Variants in SERPINI1 observed in about 807,000 individuals in gnomAD.
The protein encoded by SERPINI1 is serpin family I member 1.
SERPINI1 carries 19 observed loss-of-function variants against 41.1 expected under a neutral mutation model. That is an observed-to-expected ratio of 0.46 (90% CI 0.32 to 0.68). The LOEUF is 0.68. SERPINI1 is among the 30% of genes least tolerant of loss of function. SERPINI1 has a pLI of 0.03. For missense variants in SERPINI1, 460 were observed against 479.2 expected, an observed-to-expected ratio of 0.96 and a Z score of 0.37; for synonymous variants, 138 against 156.6, an observed-to-expected ratio of 0.88 and a Z score of 0.89.
chr3:167,758,533 TG>T (rs1388963007), intron 1 of SERPINI1, among the ~76,000 whole-genome samples: 1 of 152,176 alleles, frequency 6.6e-6, no homozygotes, highest in Non-Finnish European at 1.5e-5. Context: ...CATTAATCAT[TG>T]TTGCAGATAA....
chr3:167,809,769 A>G (rs1577431079), intron 6 of SERPINI1, among the ~76,000 whole-genome samples: 1 of 152,286 alleles, frequency 6.6e-6, no homozygotes, highest in East Asian at 1.9e-4. Flanking sequence ...ATGTTCACTG[A>G]AGGGTAAAAA....
Position 167,790,526 on chromosome 3 carries a change from A to G in SERPINI1, c.405A>G (p.Ala135=). 2 of 1,614,040 alleles carry G rather than the reference A, an allele frequency of 1.2e-6. No homozygotes were observed. Among genetic ancestry groups the G allele is most frequent in the Non-Finnish European group, 1.7e-6 (2 of 1,179,926 alleles). ...LQMMKKYFNA[A]VNHVDFSQNV... ...TGATGAAAAAATATTTTAATGCAGCAGTAAATCATGTGGACTTCAGTCAAA... is the reference window on the plus strand; with the variant it reads ...TGATGAAAAAATATTTTAATGCAGCGGTAAATCATGTGGACTTCAGTCAAA... Residue 135 remains alanine (A), a synonymous_variant, in exon 3 of 9, where the codon GCA becomes GCG. Transcript: ENST00000446050.
At chr3:167,747,569 G>A (rs113673197) in intron 1 of SERPINI1, among the ~76,000 whole-genome samples, 76 of 152,222 alleles carry the variant, frequency 5.0e-4, no homozygotes, top group Admixed American at 1.8e-3. Context: ...GCGTGAACCC[G>A]GGAGGCGGAA....
chr3:167,794,537 C>A, intron 4 of SERPINI1, 83 bp from the exon 5 acceptor site: 1 of 1,155,960 alleles, frequency 8.7e-7, no homozygotes, highest in Non-Finnish European at 1.3e-6. Flanking sequence ...TACACTATAC[C>A]AAATATGTAG....
intron 5 of SERPINI1, among the ~76,000 whole-genome samples, chr3:167,805,504 A>T (rs1711596808): frequency 6.6e-6 from 1 of 152,110 alleles, no homozygotes; most frequent in Non-Finnish European, 1.5e-5. Flanking sequence ...GTTCACTCTG[A>T]TGGTAGTTTC....
intron 4 of SERPINI1, among the ~76,000 whole-genome samples, chr3:167,794,342 T>C (rs747068443): frequency 6.6e-6 from 1 of 152,180 alleles, no homozygotes; most frequent in Non-Finnish European, 1.5e-5. Flanking sequence ...TTTTATCAGA[T>C]GCTTGAATTT....
At chr3:167,795,480 C>T (rs758694437) in intron 5 of SERPINI1, among the ~76,000 whole-genome samples, 6 of 152,142 alleles carry the variant, frequency 3.9e-5, no homozygotes, top group Non-Finnish European at 8.8e-5. Context: ...GTACATCATG[C>T]TCTTTTCATG....
chr3:167,813,812 G>A (rs1711975688), intron 6 of SERPINI1, among the ~76,000 whole-genome samples: 1 of 152,102 alleles, frequency 6.6e-6, no homozygotes, highest in African/African-American at 2.4e-5. Flanking sequence ...TACCGAGTGG[G>A]TGAGTGTTGT....
At chr3:167,797,116 G>T (rs1357103990) in intron 5 of SERPINI1, among the ~76,000 whole-genome samples, 3 of 152,172 alleles carry the variant, frequency 2.0e-5, no homozygotes, top group Non-Finnish European at 4.4e-5. Context: ...GTTCAGTGAT[G>T]TTGAGCTGTT....
At chr3:167,782,893 C>A (rs1207914777) in intron 1 of SERPINI1, among the ~76,000 whole-genome samples, 2 of 152,150 alleles carry the variant, frequency 1.3e-5, no homozygotes, top group Non-Finnish European at 2.9e-5. Flanking sequence ...TCTGGTGTAT[C>A]TGATGCAAAA....
intron 1 of SERPINI1, among the ~76,000 whole-genome samples, chr3:167,781,633 C>CTTTTTT (rs1560005922): frequency 7.7e-6 from 1 of 129,672 alleles, no homozygotes; most frequent in Admixed American, 7.8e-5. Flanking sequence ...TTTCTTTTGG[C>CTTTTTT]CTTTTTTTTT....
rs932641842 is a variant in SERPINI1, at chr3:167,751,458, A to C, written c.-19+15635A>C. 2.0e-5 allele frequency among the ~76,000 whole-genome samples: 3 copies of C among 152,216 alleles called. No homozygotes were observed. In the East Asian group the frequency reaches 5.8e-4, roughly 29 times the overall value. ...TAGTTTTTCAAAGCTTAGTCTCTAT[A>C]AGCAAAGATTAAATTATTAAGCAGT... On this transcript the variant is annotated intron_variant, in intron 1 of 8. Transcript: ENST00000446050.
intron 7 of SERPINI1, 131 bp from the exon 8 acceptor site, chr3:167,824,342 A>G: frequency 1.5e-6 from 1 of 655,282 alleles, no homozygotes; most frequent in South Asian, 2.0e-5. Context: ...TCTCCAGTTA[A>G]GTCTTTAAAA....
chr3:167,781,634 C>CTTT (rs757785091), intron 1 of SERPINI1, among the ~76,000 whole-genome samples: 33 of 81,748 alleles, frequency 4.0e-4, no homozygotes, highest in East Asian at 6.8e-4. Context: ...TTCTTTTGGC[C>CTTT]TTTTTTTTTT....
chr3:167,770,847 T>C (rs1726725273), intron 1 of SERPINI1, among the ~76,000 whole-genome samples: 1 of 152,228 alleles, frequency 6.6e-6, no homozygotes, highest in African/African-American at 2.4e-5. Context: ...CCTTTATTTC[T>C]ATGTTACGTT....
At position 167,825,398 on chromosome 3, in the gene SERPINI1, G is replaced by A. The variant is rs577715985; in HGVS notation, c.*75G>A. On this transcript the variant is annotated 3_prime_UTR_variant, in exon 9 of 9. Transcript: ENST00000446050. The stretch of plus-strand genomic sequence containing the variant: ...TGCAACTGGTATATATTTAGGATTT[G>A]TGTTTTACAGTATATCTTAAGATAA... 20 of 896,640 alleles carry A rather than the reference G, an allele frequency of 2.2e-5. 1 individual carries two copies. In the South Asian group the frequency reaches 2.6e-4, roughly 12 times the overall value. The allele number at this position is 896,640 out of a possible 1,614,324, so 55.5% of individuals were successfully genotyped here.
Position 167,794,810 on chromosome 3 carries a change from A to AG in SERPINI1, c.868dup (p.Val290GlyfsTer13). 6.2e-7 allele frequency: 1 copy of AG among 1,613,064 alleles called. No individual in the cohort carries two copies. Among genetic ancestry groups the AG allele is most frequent in the Non-Finnish European group, 8.5e-7 (1 of 1,179,722 alleles). ...ACTCTGTGAAGAAGCAAAAAGTAGAAGTATACCTGCCCAGGTATGAGGTTC... is the reference window on the plus strand; with the variant it reads ...ACTCTGTGAAGAAGCAAAAAGTAGAAGGTATACCTGCCCAGGTATGAGGTTC... On this transcript the variant is annotated frameshift_variant, in exon 5 of 9. Coordinates refer to ENST00000446050, the MANE Select transcript of SERPINI1 (RefSeq NM_001122752.2). LOFTEE classifies it high-confidence loss of function.
intron 6 of SERPINI1, among the ~76,000 whole-genome samples, chr3:167,814,856 C>T (rs982315553): frequency 1.7e-4 from 26 of 152,138 alleles, no homozygotes; most frequent in African/African-American, 5.6e-4. Flanking sequence ...CCTCATGCTG[C>T]CTGGAGGAAA....
intron 2 of SERPINI1, 94 bp downstream of exon 2, chr3:167,789,472 C>G: frequency 6.9e-7 from 1 of 1,453,658 alleles, no homozygotes; most frequent in Non-Finnish European, 9.6e-7. Flanking sequence ...AATATTTACA[C>G]AGGGTAAAAA....
Sources: gnomAD v4.1 joint callset for allele counts (sites outside exome capture counted in the v4.1 genomes callset) on GRCh38, gnomAD v4.1.1 for gene constraint, MANE v1.5 for transcripts, NCBI Gene and HGNC (gene_info 2026-07-23, HGNC 2026-07-21) for gene names.